Variants in LUZP2 observed in about 807,000 individuals in gnomAD.
The protein encoded by LUZP2 is leucine zipper protein 2.
LUZP2 carries 52 observed loss-of-function variants against 51.6 expected under a neutral mutation model. That is an observed-to-expected ratio of 1.01 (90% CI 0.81 to 1.27). The LOEUF (loss-of-function observed/expected upper bound fraction) is 1.27, where lower values mean the gene tolerates loss of function less well. Among genes scored for constraint, LUZP2 ranks in the 50% most tolerant of loss-of-function variants. LUZP2 has a pLI of 0.00. For missense variants in LUZP2, 436 were observed against 395.4 expected (o/e 1.10, Z -0.87); for synonymous variants, 154 against 137.3 (o/e 1.12, Z -0.85).
intron 5 of LUZP2, among the ~76,000 whole-genome samples, chr11:24,841,066 G>A (rs917768242): frequency 6.6e-6 from 1 of 151,918 alleles, no homozygotes; most frequent in Non-Finnish European, 1.5e-5. Context: ...CTTTGGAGTA[G>A]TGTTATAGAC....
Position 25,049,671 on chromosome 11 carries a change from CTA to C in LUZP2, c.766-362_766-361del, listed in dbSNP as rs543070075. 5.9e-5 allele frequency among the ~76,000 whole-genome samples: 9 copies of C among 151,972 alleles called. No individual in the cohort carries two copies. In the East Asian group the frequency reaches 1.7e-3, roughly 29 times the overall value. ...ATTTTCTTATTCACATATTATTTCTCTATATACTGGGGGTTAAAATAAAAAGA... is the reference window on the plus strand; with the variant it reads ...ATTTTCTTATTCACATATTATTTCTCTATACTGGGGGTTAAAATAAAAAGA... On this transcript the variant is annotated intron_variant, in intron 9 of 11. Transcript: ENST00000336930.
chr11:25,022,094 T>C lies in LUZP2; in HGVS notation c.766-27944T>C, dbSNP rs145462911. 1.4e-4 allele frequency among the ~76,000 whole-genome samples: 22 copies of C among 152,210 alleles called. No homozygotes were observed. In the East Asian group the frequency reaches 4.3e-3, roughly 29 times the overall value. On this transcript the variant is annotated intron_variant, in intron 9 of 11. Coordinates refer to ENST00000336930, the MANE Select transcript of LUZP2 (RefSeq NM_001009909.4). ...TGGAACACTCTCCCTGGACTCTTTA[T>C]CTGGAGAACCAATGCTCATCTATTA...
At position 25,008,635 on chromosome 11, in the gene LUZP2, T is replaced by C. The variant is rs1351650383; in HGVS notation, c.765+25342T>C. Among the ~76,000 whole-genome samples the C allele has an allele frequency of 2.6e-5, 4 of 152,278 alleles. No individual in the cohort carries two copies. The South Asian group carries it at 6.2e-4, about 24-fold the overall frequency. ...CAGGTCTTTTCCCAGCTGCTTTTCC[T>C]CAGGCTCCAGGTTCCTGTCCTGGGA... On this transcript the variant is annotated intron_variant, in intron 9 of 11. Transcript: ENST00000336930.
In LUZP2 at chr11:24,962,939, T is replaced by C. The variant is rs543099124; in HGVS notation, c.523-13652T>C. On this transcript the variant is annotated intron_variant, in intron 7 of 11. Transcript: ENST00000336930. ...TGATGGTGATGTACAGATGGGTTTT[T>C]GGTGTGGATGTCCTTTCTGTTTGTT... is the stretch of plus-strand genomic sequence containing the variant. Among the ~76,000 whole-genome samples, 1,011 of 152,304 alleles carry C rather than the reference T, an allele frequency of 6.6e-3. 12 individuals are homozygous for C. The highest frequency in any genetic ancestry group is 0.021 in the African/African-American group (859 of 41,564).
chr11:25,078,570 C>G lies in LUZP2; in HGVS notation c.953C>G (p.Pro318Arg). Residue 318 changes from proline (P) to arginine (R), a missense_variant, in exon 12 of 12, where the codon CCT becomes CGT. Coordinates refer to ENST00000336930, the MANE Select transcript of LUZP2 (RefSeq NM_001009909.4). ...EPIPQKLQMP[P>R]CSECEVKKAP... is the part of the protein sequence containing the mutation. Reference sequence around the variant, plus strand: ...GTTTAACAGAAATTGCAAATGCCTCCTTGCTCTGAATGTGAGGTGAAAAAA... The same window carrying G: ...GTTTAACAGAAATTGCAAATGCCTCGTTGCTCTGAATGTGAGGTGAAAAAA... 1 of 1,612,250 alleles carries G rather than the reference C, an allele frequency of 6.2e-7. No individual in the cohort carries two copies.
intron 5 of LUZP2, among the ~76,000 whole-genome samples, chr11:24,898,677 G>A (rs192002284): frequency 3.2e-3 from 479 of 151,488 alleles, no homozygotes; most frequent in Admixed American, 5.5e-3. Flanking sequence ...AGAGTGGTGC[G>A]CATATACATA....
Position 24,983,240 on chromosome 11 carries a change from C to G in LUZP2, c.712C>G (p.Leu238Val). The change falls in exon 9 of 12, where the codon CTC (leucine) becomes GTC (valine). Residue 238 changes from leucine (L) to valine (V), a missense_variant. Physicochemically the swap from Leu to Val is conservative, Grantham distance 32. Transcript: ENST00000336930. ...CACATCAAATCCAACTCGGATGTTA[C>G]TCCCACCCAGGAATATTGCCTCTAA... ...LITSNPTRML[L>V]PPRNIASKLP... 2.5e-6 allele frequency: 4 copies of G among 1,612,258 alleles called. No homozygotes were observed. The highest frequency in any genetic ancestry group is 3.4e-6 in the Non-Finnish European group (4 of 1,178,844).
intron 5 of LUZP2, among the ~76,000 whole-genome samples, chr11:24,862,745 A>C (rs753193672): frequency 2.0e-5 from 3 of 152,246 alleles, no homozygotes; most frequent in Non-Finnish European, 4.4e-5. Flanking sequence ...AAATCATTTT[A>C]TCTTTAAAGG....
At chr11:24,682,606 ATGTGTATGTG>A (rs1565074643) in intron 1 of LUZP2, among the ~76,000 whole-genome samples, 1 of 143,912 alleles carries the variant, frequency 6.9e-6, no homozygotes, top group Admixed American at 7.0e-5. Context: ...GTGTATATAT[ATGTGTATGTG>A]TATATATATA....
intron 9 of LUZP2, among the ~76,000 whole-genome samples, chr11:25,003,297 A>G (rs1856743442): frequency 6.6e-6 from 1 of 152,204 alleles, no homozygotes; most frequent in African/African-American, 2.4e-5. Context: ...CCCTTGGGGC[A>G]AGATGGTCCA....
At chr11:24,727,652 G>A (rs1049862407) in intron 1 of LUZP2, among the ~76,000 whole-genome samples, 1 of 151,986 alleles carries the variant, frequency 6.6e-6, no homozygotes, top group Non-Finnish European at 1.5e-5. Context: ...ATGCCTTGCT[G>A]TTTATTATTT....
At chr11:24,514,914 C>G (rs1850417894) in intron 1 of LUZP2, among the ~76,000 whole-genome samples, 1 of 152,066 alleles carries the variant, frequency 6.6e-6, no homozygotes, top group Admixed American at 6.6e-5. Flanking sequence ...GGGTAGGAGA[C>G]TTTTTACATG....
In LUZP2 at chr11:24,508,785, T is replaced by C. The variant is rs183456689; in HGVS notation, c.62+11480T>C. On this transcript the variant is annotated intron_variant, in intron 1 of 11. Transcript: ENST00000336930. ...ACAAATTTGTCTAAGGTTACTTTAT[T>C]TAATGCTTTTCAGTGCCTTATGAAG... Among the ~76,000 whole-genome samples the C allele has an allele frequency of 5.3e-5, 8 of 152,286 alleles. No individual in the cohort carries two copies. The East Asian group carries it at 1.5e-3, about 29-fold the overall frequency.
At chr11:24,807,231 G>A (rs767649294) in intron 5 of LUZP2, among the ~76,000 whole-genome samples, 2 of 151,980 alleles carry the variant, frequency 1.3e-5, no homozygotes, top group Non-Finnish European at 2.9e-5. Flanking sequence ...CAAGGTGGGA[G>A]GTGGGCAGAT....
intron 5 of LUZP2, among the ~76,000 whole-genome samples, chr11:24,873,644 C>G (rs1012312864): frequency 1.3e-5 from 2 of 151,778 alleles, no homozygotes; most frequent in African/African-American, 4.8e-5. Context: ...GGTGGCCAAG[C>G]TTAAACTGAA....
Position 24,773,704 on chromosome 11 carries a change from T to A in LUZP2, c.396+10396T>A, listed in dbSNP as rs1848821848. On this transcript the variant is annotated intron_variant, in intron 5 of 11. Transcript: ENST00000336930. ...GGTTGTACATGCTATTACACATGTC[T>A]CATGTCTCAGTAGCATTTAAAATCT... Among the ~76,000 whole-genome samples, 5 of 152,178 alleles carry A rather than the reference T, an allele frequency of 3.3e-5. No homozygotes were observed. In the South Asian group the frequency reaches 1.0e-3, roughly 31 times the overall value.
At chr11:24,776,663 G>A (rs1034067708) in intron 5 of LUZP2, among the ~76,000 whole-genome samples, 6 of 152,024 alleles carry the variant, frequency 3.9e-5, no homozygotes, top group African/African-American at 1.5e-4. Context: ...TGTCCCCTTG[G>A]CTATAATTCT....
At chr11:24,702,535 A>T (rs1857448316) in intron 1 of LUZP2, among the ~76,000 whole-genome samples, 2 of 152,194 alleles carry the variant, frequency 1.3e-5, no homozygotes, top group Non-Finnish European at 2.9e-5. Context: ...AGGAGCAGAC[A>T]TTGTCATATG....
chr11:24,920,802 G>T (rs1438003993), intron 7 of LUZP2, among the ~76,000 whole-genome samples: 2 of 152,028 alleles, frequency 1.3e-5, no homozygotes, highest in Non-Finnish European at 2.9e-5. Context: ...GGGTTGTGGG[G>T]AAGGAAGGTA....
Sources: allele counts gnomAD v4.1 joint callset (sites outside exome capture counted in the v4.1 genomes callset), GRCh38; gene constraint gnomAD v4.1.1; transcripts MANE v1.5; gene names NCBI Gene and HGNC (gene_info 2026-07-23, HGNC 2026-07-21).